The following GRIA1 variants were observed in gnomAD, a reference collection of about 807,000 sequenced individuals.
The protein encoded by GRIA1 is glutamate receptor 1.
In GRIA1, 31 loss-of-function variants were observed where a neutral mutation model predicts 99.2. The ratio of observed to expected loss-of-function variants is 0.31; its 90% CI spans 0.23 to 0.42. GRIA1 has a LOEUF of 0.42. Ranked by LOEUF, GRIA1 falls within the 10% of genes least tolerant of loss-of-function variation. GRIA1 has a pLI of 1.00. For missense variants in GRIA1, 782 were observed against 1,157.5 expected (o/e 0.68, Z 4.71); for synonymous variants, 438 against 432.4 (o/e 1.01, Z -0.16).
At chr5:153,683,362 A>T (rs1256495589) in intron 7 of GRIA1, among the ~76,000 whole-genome samples, 1 of 152,168 alleles carries the variant, frequency 6.6e-6, no homozygotes, top group Non-Finnish European at 1.5e-5. Context: ...CCCCAACTAG[A>T]TACTAAGAGC....
chr5:153,739,809 A>G (rs1360280227), intron 11 of GRIA1, among the ~76,000 whole-genome samples: 2 of 152,238 alleles, frequency 1.3e-5, no homozygotes, highest in Non-Finnish European at 2.9e-5. Flanking sequence ...ATATCTCTGG[A>G]AAATTCTTTT....
chr5:153,732,084 A>G (rs527542524), intron 11 of GRIA1, among the ~76,000 whole-genome samples: 5 of 151,964 alleles, frequency 3.3e-5, no homozygotes, highest in Non-Finnish European at 5.9e-5. Flanking sequence ...CTTCTTTTTT[A>G]AGGCTGAATA....
chr5:153,663,139 C>A (rs1445914356), intron 5 of GRIA1, among the ~76,000 whole-genome samples: 1 of 152,064 alleles, frequency 6.6e-6, no homozygotes, highest in African/African-American at 2.4e-5. Flanking sequence ...TTGTATTCAC[C>A]CCCATCCTCT....
chr5:153,772,800 GT>G (rs1299891358), intron 13 of GRIA1, among the ~76,000 whole-genome samples: 6 of 152,188 alleles, frequency 3.9e-5, no homozygotes, highest in Non-Finnish European at 8.8e-5. Context: ...TAGAGAGTGA[GT>G]TTTTATAGTT....
chr5:153,610,235 A>G (rs1190924829), intron 2 of GRIA1, among the ~76,000 whole-genome samples: 2 of 152,188 alleles, frequency 1.3e-5, no homozygotes, highest in African/African-American at 2.4e-5. Flanking sequence ...TGTGAAGTCC[A>G]CTTTCCAAAG....
At chr5:153,657,414 T>A (rs1013371780) in intron 5 of GRIA1, among the ~76,000 whole-genome samples, 20 of 152,236 alleles carry the variant, frequency 1.3e-4, no homozygotes, top group Non-Finnish European at 2.4e-4. Flanking sequence ...CATGTTTCCA[T>A]TAAGAAGTGG....
At chr5:153,599,730 C>T (rs1028809076) in intron 2 of GRIA1, among the ~76,000 whole-genome samples, 2 of 151,914 alleles carry the variant, frequency 1.3e-5, no homozygotes, top group South Asian at 2.1e-4. Flanking sequence ...GGTGCAAGCC[C>T]GCCAGTGAGT....
intron 2 of GRIA1, among the ~76,000 whole-genome samples, chr5:153,522,576 G>C (rs1757247024): frequency 6.6e-6 from 1 of 152,154 alleles, no homozygotes; most frequent in Non-Finnish European, 1.5e-5. Flanking sequence ...CAAAATGGTG[G>C]GGGAGTGGGG....
chr5:153,712,014 G>A (rs991275925), intron 11 of GRIA1, among the ~76,000 whole-genome samples: 1 of 152,066 alleles, frequency 6.6e-6, no homozygotes, highest in Non-Finnish European at 1.5e-5. Context: ...GTCTCCTGGA[G>A]CCTGATATCA....
chr5:153,626,883 A>G lies in GRIA1; in HGVS notation c.221-20045A>G, dbSNP rs554445648. ...GGAAATACGATGGACAAGGGTCAGG[A>G]GACCAGGATTTGAGCCCCAGCTTAG... On this transcript the variant is annotated intron_variant, in intron 2 of 15. Coordinates refer to ENST00000285900, the MANE Select transcript of GRIA1 (RefSeq NM_000827.4). Among the ~76,000 whole-genome samples the G allele has an allele frequency of 6.0e-4, 91 of 152,316 alleles. No individual in the cohort carries two copies. The Middle Eastern group carries it at 0.014, about 23-fold the overall frequency.
chr5:153,619,986 C>CTGT (rs1766878049), intron 2 of GRIA1, among the ~76,000 whole-genome samples: 1 of 152,134 alleles, frequency 6.6e-6, no homozygotes, highest in African/African-American at 2.4e-5. Context: ...CAGTTCTTTC[C>CTGT]ATTCCTGACA....
intron 2 of GRIA1, among the ~76,000 whole-genome samples, chr5:153,512,957 G>A (rs147994421): frequency 1.3e-5 from 2 of 152,230 alleles, no homozygotes; most frequent in African/African-American, 4.8e-5. Context: ...CTTTTTCTGT[G>A]CACATGCACC....
rs758908682 is a variant in GRIA1 at position 153,609,204 on chromosome 5, C to A, written c.221-37724C>A. The stretch of plus-strand genomic sequence containing the variant: ...AAATATCCCCAAGGTGCAAGCAGCT[C>A]CAAACACAAAGGTTACCTCCCGGGC... On this transcript the variant is annotated intron_variant, in intron 2 of 15. Coordinates refer to ENST00000285900, the MANE Select transcript of GRIA1 (RefSeq NM_000827.4). Among the ~76,000 whole-genome samples, 6 of 152,150 alleles carry A rather than the reference C, an allele frequency of 3.9e-5. 1 individual carries two copies. Among genetic ancestry groups the A allele is most frequent in the Admixed American group, 3.3e-4 (5 of 15,274 alleles).
rs143441412 is a variant in GRIA1 at position 153,576,997 on chromosome 5, A to AATGGATGG, written c.221-69912_221-69905dup. Among the ~76,000 whole-genome samples, 7 of 90,600 alleles carry AATGGATGG rather than the reference A, an allele frequency of 7.7e-5. 1 individual carries two copies. The highest frequency in any genetic ancestry group is 2.1e-4 in the African/African-American group (5 of 23,944). The allele number at this position is 90,600 out of a possible 152,430, so 59.4% of individuals were successfully genotyped here. ...GGATGGATGGATGGGTGAGTGGATG[A>AATGGATGG]ATGGATGGATGGATGGATGGATGGA... On this transcript the variant is annotated intron_variant, in intron 2 of 15. Coordinates refer to ENST00000285900, the MANE Select transcript of GRIA1 (RefSeq NM_000827.4).
intron 2 of GRIA1, among the ~76,000 whole-genome samples, chr5:153,623,861 A>G (rs748569548): frequency 9.2e-5 from 14 of 152,190 alleles, no homozygotes; most frequent in Non-Finnish European, 2.1e-4. Flanking sequence ...AATTAGTGCC[A>G]GTTTGCTTCA....
chr5:153,599,346 C>A (rs1436022043), intron 2 of GRIA1, among the ~76,000 whole-genome samples: 1 of 152,184 alleles, frequency 6.6e-6, no homozygotes, highest in Admixed American at 6.5e-5. Flanking sequence ...AAGTTTAATT[C>A]ACAATACTTA....
At position 153,744,526 on chromosome 5, in the gene GRIA1, G is replaced by T. The variant is rs145791772; in HGVS notation, c.1824-19908G>T. Among the ~76,000 whole-genome samples, 1,236 of 152,318 alleles carry T rather than the reference G, an allele frequency of 8.1e-3. 7 individuals are homozygous for T. The highest frequency in any genetic ancestry group is 0.014 in the Middle Eastern group (4 of 294). On this transcript the variant is annotated intron_variant, in intron 11 of 15. Coordinates refer to ENST00000285900, the MANE Select transcript of GRIA1 (RefSeq NM_000827.4). ...TTTTTGCTATTTATTAGCTTAAGAA[G>T]TATTTTCCCTACAGAGGAAAGCGTT...
chr5:153,776,664 T>C (rs1421521696), intron 13 of GRIA1, among the ~76,000 whole-genome samples: 2 of 152,200 alleles, frequency 1.3e-5, no homozygotes, highest in Non-Finnish European at 2.9e-5. Flanking sequence ...TATATTTTTT[T>C]CTCTCTTCAC....
intron 2 of GRIA1, among the ~76,000 whole-genome samples, chr5:153,623,558 G>A (rs1253376424): frequency 6.6e-6 from 1 of 152,104 alleles, no homozygotes; most frequent in Non-Finnish European, 1.5e-5. Context: ...CAAAGCAATT[G>A]GTCTTACTAA....
Sources: gnomAD v4.1 joint callset for allele counts (sites outside exome capture counted in the v4.1 genomes callset) on GRCh38, gnomAD v4.1.1 for gene constraint, MANE v1.5 for transcripts, NCBI Gene and HGNC (gene_info 2026-07-23, HGNC 2026-07-21) for gene names.